ATXN7L1: variants seen among roughly 807,000 people sequenced by gnomAD.
ATXN7L1 encodes the protein ataxin-7-like protein 1.
In ATXN7L1, 15 loss-of-function variants were observed where a neutral mutation model predicts 70.8. The observed-to-expected ratio is 0.21, with a 90% CI of 0.14 to 0.33. The LOEUF (loss-of-function observed/expected upper bound fraction) is 0.33, where lower values mean the gene tolerates loss of function less well. Among genes scored for constraint, ATXN7L1 ranks in the 10% least tolerant of loss-of-function variants. The pLI is 1.00. For missense variants in ATXN7L1, 975 were observed against 1,097.1 expected (o/e 0.89, Z 1.57); for synonymous variants, 440 against 445.1 (o/e 0.99, Z 0.14).
chr7:105,870,925 C>T (rs377031410), intron 2 of ATXN7L1, among the ~76,000 whole-genome samples: 109 of 152,170 alleles, frequency 7.2e-4, no homozygotes, highest in Non-Finnish European at 1.4e-3. Flanking sequence ...CCACTTTTCT[C>T]GGAATGCTGA....
intron 7 of ATXN7L1, among the ~76,000 whole-genome samples, chr7:105,631,370 TA>T (rs1387624783): frequency 6.6e-6 from 1 of 152,124 alleles, no homozygotes; most frequent in Non-Finnish European, 1.5e-5. Context: ...GCTCAAGAGT[TA>T]AAGGTCTTAA....
intron 3 of ATXN7L1, among the ~76,000 whole-genome samples, chr7:105,693,963 G>A (rs1454272288): frequency 6.6e-6 from 1 of 152,100 alleles, no homozygotes; most frequent in Admixed American, 6.6e-5. Context: ...GGAAGAAGTC[G>A]GGAGCAAGAA....
At chr7:105,734,562 G>GC (rs894852853) in intron 3 of ATXN7L1, among the ~76,000 whole-genome samples, 1 of 151,716 alleles carries the variant, frequency 6.6e-6, no homozygotes, top group Non-Finnish European at 1.5e-5. Context: ...AGCTCTTCCC[G>GC]CCCTCCTTGC....
At chr7:105,711,730 C>T (rs1488123477) in intron 3 of ATXN7L1, among the ~76,000 whole-genome samples, 1 of 152,236 alleles carries the variant, frequency 6.6e-6, no homozygotes, top group Non-Finnish European at 1.5e-5. Context: ...TGTTGAGTGC[C>T]TGTGGCACTT....
chr7:105,820,057 G>T, intron 2 of ATXN7L1: 1 of 389,106 alleles, frequency 2.6e-6, no homozygotes, highest in South Asian at 1.9e-5. Flanking sequence ...GAAGAAAACT[G>T]ACAAATACAC....
intron 3 of ATXN7L1, among the ~76,000 whole-genome samples, chr7:105,762,551 C>T (rs1800687458): frequency 6.6e-6 from 1 of 152,150 alleles, no homozygotes; most frequent in Non-Finnish European, 1.5e-5. Context: ...TTCTAATGCC[C>T]CTTCCCCTAC....
intron 3 of ATXN7L1, among the ~76,000 whole-genome samples, chr7:105,706,283 T>G (rs976123496): frequency 6.6e-6 from 1 of 151,704 alleles, no homozygotes; most frequent in Admixed American, 6.6e-5. Flanking sequence ...AACCTCTGCC[T>G]CCCGGGTTCA....
chr7:105,855,785 T>G (rs941576941), intron 2 of ATXN7L1, among the ~76,000 whole-genome samples: 21 of 152,222 alleles, frequency 1.4e-4, no homozygotes, highest in African/African-American at 5.1e-4. Context: ...CTCTTGTCAT[T>G]ATCCCCTAAA....
intron 9 of ATXN7L1, among the ~76,000 whole-genome samples, chr7:105,619,058 G>C (rs1274171361): frequency 6.7e-6 from 1 of 148,906 alleles, no homozygotes; most frequent in Non-Finnish European, 1.5e-5. Flanking sequence ...GATCTGCCCT[G>C]TTGGCAAGTG....
chr7:105,774,634 G>A (rs1457903125), intron 3 of ATXN7L1, among the ~76,000 whole-genome samples: 1 of 152,028 alleles, frequency 6.6e-6, no homozygotes, highest in Admixed American at 6.6e-5. Context: ...ATTACAGTGT[G>A]AACCACCGCG....
intron 3 of ATXN7L1, among the ~76,000 whole-genome samples, chr7:105,731,818 TG>T (rs1262973536): frequency 1.3e-5 from 1 of 74,478 alleles, no homozygotes; most frequent in Non-Finnish European, 2.6e-5. Context: ...CCCAGCTGGG[TG>T]CAGTGGCTCA....
chr7:105,750,522 T>C (rs1434652695), intron 3 of ATXN7L1, among the ~76,000 whole-genome samples: 1 of 151,854 alleles, frequency 6.6e-6, no homozygotes, highest in African/African-American at 2.4e-5. Flanking sequence ...TCTCAAAGTG[T>C]TGGGATTACA....
At chr7:105,775,892 G>A (rs1369519478) in intron 3 of ATXN7L1, among the ~76,000 whole-genome samples, 1 of 152,122 alleles carries the variant, frequency 6.6e-6, no homozygotes, top group Non-Finnish European at 1.5e-5. Flanking sequence ...ACCTCTTGGC[G>A]CTTTAATGTG....
At chr7:105,642,665 G>A (rs967035245) in intron 5 of ATXN7L1, among the ~76,000 whole-genome samples, 173 bp downstream of exon 5, 1 of 152,208 alleles carries the variant, frequency 6.6e-6, no homozygotes, top group African/African-American at 2.4e-5. Context: ...GGGAAGAAGA[G>A]ACCTGGTTTT....
intron 2 of ATXN7L1, among the ~76,000 whole-genome samples, chr7:105,798,833 G>C (rs1180295764): frequency 6.6e-6 from 1 of 152,098 alleles, no homozygotes; most frequent in Non-Finnish European, 1.5e-5. Context: ...TCTTCTATTT[G>C]GATGAAAAAA....
At chr7:105,699,063 GC>G (rs1477401368) in intron 3 of ATXN7L1, among the ~76,000 whole-genome samples, 1 of 152,038 alleles carries the variant, frequency 6.6e-6, no homozygotes, top group African/African-American at 2.4e-5. Flanking sequence ...AATTTATAAT[GC>G]CAAATCTTTA....
At chr7:105,860,148 C>CATATATATATATATATATATATAT (rs60831105) in intron 2 of ATXN7L1, among the ~76,000 whole-genome samples, 1 of 79,942 alleles carries the variant, frequency 1.3e-5, no homozygotes, top group Non-Finnish European at 2.7e-5. Flanking sequence ...TATATATATA[C>CATATATATATATATATATATATAT]ATATATATAT....
At chr7:105,629,113 A>G (rs1796197164) in intron 7 of ATXN7L1, among the ~76,000 whole-genome samples, 1 of 152,138 alleles carries the variant, frequency 6.6e-6, no homozygotes, top group South Asian at 2.1e-4. Context: ...GACTACAGGC[A>G]TGAGCCACTG....
intron 3 of ATXN7L1, among the ~76,000 whole-genome samples, chr7:105,684,045 G>C (rs971237476): frequency 5.3e-5 from 8 of 152,170 alleles, no homozygotes; most frequent in Non-Finnish European, 1.2e-4. Context: ...TTCACTGCAG[G>C]CTCCATCTGG....
Sources: gnomAD v4.1 joint callset for allele counts (sites outside exome capture counted in the v4.1 genomes callset) on GRCh38, gnomAD v4.1.1 for gene constraint, MANE v1.5 for transcripts, NCBI Gene and HGNC (gene_info 2026-07-23, HGNC 2026-07-21) for gene names.